The following KY variants were observed in gnomAD, a reference collection of about 807,000 sequenced individuals.
The protein encoded by KY is kyphoscoliosis peptidase.
KY carries 43 observed loss-of-function variants against 76.1 expected under a neutral mutation model. That is an observed-to-expected ratio of 0.57 (90% confidence interval 0.44 to 0.73). The LOEUF is 0.73. KY is among the 30% of genes least tolerant of loss of function. The pLI is 0.00. For synonymous variants in KY, 277 were observed against 326.2 expected, an observed-to-expected ratio of 0.85 and a Z score of 1.63; for missense variants, 722 against 828.9, an observed-to-expected ratio of 0.87 and a Z score of 1.58.
intron 6 of KY, among the ~76,000 whole-genome samples, chr3:134,622,372 A>T (rs1230671345): frequency 6.6e-6 from 1 of 152,250 alleles, no homozygotes; most frequent in Non-Finnish European, 1.5e-5. Context: ...TGGGAATATT[A>T]TTCAACTACA....
intron 8 of KY, 58 bp downstream of exon 8, chr3:134,619,090 G>A (rs1962113018): frequency 7.9e-6 from 11 of 1,398,474 alleles, no homozygotes; most frequent in South Asian, 1.2e-5. Context: ...ACATGGCACT[G>A]TGGAAGAGGG....
chr3:134,626,157 A>G (rs910960691), intron 5 of KY, among the ~76,000 whole-genome samples: 1 of 152,226 alleles, frequency 6.6e-6, no homozygotes, highest in African/African-American at 2.4e-5. Flanking sequence ...GGGGGTGGGA[A>G]GAAGTTGGGA....
In KY at chr3:134,603,581, A is replaced by G; in HGVS notation, c.1984T>C (p.Ter662ArgextTer57). The change falls in exon 11 of 11, where the codon TGA (stop) becomes CGA (arginine). Residue 662 changes from the stop codon to arginine (R), a stop_lost. Transcript: ENST00000423778. ...AGGGTAAGACCGGGGCACAGCCCTC[A>G]CTGGGCATTCACTTTGTATTTCAGG... ...YILKYKVNAQ[*>R] The G allele has an allele frequency of 6.4e-7, 1 of 1,573,158 alleles. No individual in the cohort carries two copies. The highest frequency in any genetic ancestry group is 8.7e-7 in the Non-Finnish European group (1 of 1,155,116).
At chr3:134,637,236 G>A (rs570225287) in intron 3 of KY, among the ~76,000 whole-genome samples, 23 of 152,332 alleles carry the variant, frequency 1.5e-4, no homozygotes, top group African/African-American at 5.5e-4. Flanking sequence ...GCATAATTCA[G>A]TTCTGGTCGT....
At chr3:134,618,420 C>A (rs1239603504) in intron 8 of KY, among the ~76,000 whole-genome samples, 1 of 152,200 alleles carries the variant, frequency 6.6e-6, no homozygotes, top group Non-Finnish European at 1.5e-5. Context: ...TTCATCCACC[C>A]CCTGGGGAGG....
chr3:134,635,614 G>A (rs1422703714), intron 3 of KY, among the ~76,000 whole-genome samples: 2 of 151,522 alleles, frequency 1.3e-5, no homozygotes, highest in African/African-American at 4.8e-5. Context: ...TGTATATTCC[G>A]ATGGTGGTGT....
chr3:134,621,624 C>T (rs1962633275), intron 6 of KY, among the ~76,000 whole-genome samples: 5 of 152,164 alleles, frequency 3.3e-5, no homozygotes, highest in African/African-American at 7.2e-5. Context: ...CAGAAGAAAA[C>T]ACTGGGGTTA....
At chr3:134,625,199 C>G in intron 5 of KY, 64 bp from the exon 6 acceptor site, 1 of 1,304,850 alleles carries the variant, frequency 7.7e-7, no homozygotes, top group South Asian at 1.3e-5. Flanking sequence ...CTGGCCTAGG[C>G]CTTGCTGTCT....
At chr3:134,610,501 T>C in intron 8 of KY, 118 bp from the exon 9 acceptor site, 1 of 852,112 alleles carries the variant, frequency 1.2e-6, no homozygotes, top group South Asian at 1.7e-5. Context: ...GTCTATCCTT[T>C]TCCTTGCTTC....
intron 5 of KY, among the ~76,000 whole-genome samples, chr3:134,626,078 G>A (rs939841655): frequency 3.3e-5 from 5 of 152,184 alleles, no homozygotes; most frequent in Non-Finnish European, 5.9e-5. Flanking sequence ...CTCTGGCAGA[G>A]CCTTTCTTAA....
At chr3:134,650,425 C>T (rs1328063488) in intron 1 of KY, among the ~76,000 whole-genome samples, 1 of 152,186 alleles carries the variant, frequency 6.6e-6, no homozygotes, top group African/African-American at 2.4e-5. Flanking sequence ...TCCCAGCGTC[C>T]CCTGTGCCCT....
At chr3:134,609,338 A>G (rs1959890604) in intron 9 of KY, among the ~76,000 whole-genome samples, 1 of 152,160 alleles carries the variant, frequency 6.6e-6, no homozygotes, top group Admixed American at 6.5e-5. Context: ...AGAAGAACAG[A>G]GAGGCCCTTC....
intron 3 of KY, among the ~76,000 whole-genome samples, chr3:134,638,230 G>A (rs1484542384): frequency 6.6e-6 from 1 of 152,206 alleles, no homozygotes; most frequent in African/African-American, 2.4e-5. Flanking sequence ...ATAGCTTTAT[G>A]CTTCCTTAAG....
chr3:134,616,248 G>C (rs1480022639), intron 8 of KY, among the ~76,000 whole-genome samples: 1 of 152,164 alleles, frequency 6.6e-6, no homozygotes, highest in African/African-American at 2.4e-5. Flanking sequence ...CAGTGACTTG[G>C]GACAGACAGA....
chr3:134,625,016 T>C (rs1963241202), intron 6 of KY, 37 bp downstream of exon 6: 2 of 1,552,868 alleles, frequency 1.3e-6, no homozygotes, highest in Admixed American at 1.9e-5. Context: ...TAAGCCACCT[T>C]GAAGGGGCCC....
chr3:134,627,651 C>G (rs1963639693), intron 5 of KY, 105 bp downstream of exon 5: 1 of 981,456 alleles, frequency 1.0e-6, no homozygotes, highest in African/African-American at 1.6e-5. Context: ...TGGCCCCAGC[C>G]TCTCAGCATA....
intron 8 of KY, among the ~76,000 whole-genome samples, chr3:134,616,927 GTC>G (rs1961672736): frequency 6.6e-6 from 1 of 152,198 alleles, no homozygotes; most frequent in Non-Finnish European, 1.5e-5. Flanking sequence ...AGGCAATCTA[GTC>G]TCCAATATAT....
At chr3:134,615,170 A>C (rs569687250) in intron 8 of KY, 2 of 152,282 alleles carry the variant, frequency 1.3e-5, no homozygotes, top group African/African-American at 4.8e-5. Context: ...TCTTGATAAT[A>C]ATTCTCTCTC....
Position 134,629,693 on chromosome 3 carries a change from TC to T in KY, c.264del (p.Thr89HisfsTer3). The stretch of plus-strand genomic sequence containing the variant: ...GGGTGGACTTCCACAGTCAGTTGTG[TC>T]CCTACAAAGGAAAAGGAGATGACAT... Reference protein sequence around the residue: ...PQVITSYNSQGTQLTVEVHPR... With the variant: ...PQVITSYNSQXTQLTVEVHPR... On this transcript the variant is annotated frameshift_variant and splice_region_variant, in exon 4 of 11. Coordinates refer to ENST00000423778, the MANE Select transcript of KY (RefSeq NM_178554.6). LOFTEE classifies it high-confidence loss of function. The T allele has an allele frequency of 6.3e-7, 1 of 1,586,676 alleles. No individual in the cohort carries two copies. The highest frequency in any genetic ancestry group is 1.3e-5 in the African/African-American group (1 of 74,562).
Sources: allele counts gnomAD v4.1 joint callset (sites outside exome capture counted in the v4.1 genomes callset), GRCh38; gene constraint gnomAD v4.1.1; transcripts MANE v1.5; gene names NCBI Gene and HGNC (gene_info 2026-07-23, HGNC 2026-07-21).